Variants in ERI3 observed in about 807,000 individuals in gnomAD.
The protein encoded by ERI3 is ERI1 exoribonuclease family member 3.
ERI3 carries 18 observed loss-of-function variants against 44.4 expected under a neutral mutation model. The ratio of observed to expected loss-of-function variants is 0.41; its 90% confidence interval spans 0.28 to 0.60. The LOEUF (loss-of-function observed/expected upper bound fraction) is 0.60. Ranked by LOEUF, ERI3 falls within the 20% of genes least tolerant of loss-of-function variation. The pLI, the probability that ERI3 is intolerant of heterozygous loss-of-function variation, is 0.36. For synonymous variants in ERI3, 183 were observed against 164.8 expected (o/e 1.11, Z -0.84); for missense variants, 294 against 435.5 (o/e 0.68, Z 2.89).
chr1:44,304,027 C>T (rs567670371), intron 6 of ERI3, among the ~76,000 whole-genome samples: 1 of 152,200 alleles, frequency 6.6e-6, no homozygotes, highest in East Asian at 1.9e-4. Flanking sequence ...GGATAATTTT[C>T]AGATTTCCGA....
In ERI3 at chr1:44,258,149, G is replaced by A. The variant is rs192385379; in HGVS notation, c.832-10111C>T. On this transcript the variant is annotated intron_variant, in intron 7 of 8. Coordinates refer to ENST00000372257, the MANE Select transcript of ERI3 (RefSeq NM_024066.3). Reference sequence around the variant, plus strand: ...GAACCTGGCATGTAACTAGTCCTCAGTAAGGGGCAGGCATTTTGCTAAGTT... The same window carrying A: ...GAACCTGGCATGTAACTAGTCCTCAATAAGGGGCAGGCATTTTGCTAAGTT... Among the ~76,000 whole-genome samples, 45 of 152,342 alleles carry A rather than the reference G, an allele frequency of 3.0e-4. No homozygotes were observed. In the East Asian group the frequency reaches 7.5e-3, roughly 25 times the overall value.
chr1:44,285,529 AT>A (rs1359695920), intron 6 of ERI3, among the ~76,000 whole-genome samples: 2 of 152,190 alleles, frequency 1.3e-5, no homozygotes, highest in Non-Finnish European at 2.9e-5. Flanking sequence ...AGGTAGAAGG[AT>A]AAGAAGAGGT....
intron 8 of ERI3, among the ~76,000 whole-genome samples, chr1:44,222,043 G>A (rs990476497): frequency 1.3e-5 from 2 of 152,172 alleles, no homozygotes; most frequent in African/African-American, 4.8e-5. Context: ...CCGTCTTCCC[G>A]CCACCCGCCT....
intron 6 of ERI3, among the ~76,000 whole-genome samples, chr1:44,297,024 T>C (rs1264211151): frequency 2.0e-5 from 3 of 152,112 alleles, no homozygotes; most frequent in African/African-American, 4.8e-5. Flanking sequence ...ATTATTTCCA[T>C]GGTGTCACAT....
chr1:44,354,768 G>A, intron 1 of ERI3, 124 bp downstream of exon 1: 6 of 1,260,284 alleles, frequency 4.8e-6, no homozygotes, highest in Non-Finnish European at 6.0e-6. Context: ...AGTAGATTAA[G>A]TAAGCATCCA....
At chr1:44,256,572 C>T (rs1265543956) in intron 7 of ERI3, among the ~76,000 whole-genome samples, 2 of 152,190 alleles carry the variant, frequency 1.3e-5, no homozygotes, top group East Asian at 1.9e-4. Context: ...TCTTCATCAA[C>T]GGAACCTGAG....
At position 44,263,527 on chromosome 1, in the gene ERI3, G is replaced by A. The variant is rs1263711371; in HGVS notation, c.832-15489C>T. On this transcript the variant is annotated intron_variant, in intron 7 of 8. Coordinates refer to ENST00000372257, the MANE Select transcript of ERI3 (RefSeq NM_024066.3). ...GATAGCCTCAGCCGGAGTCAACTTT[G>A]TAGTACCTTAGATACAGACAGGCAG... Among the ~76,000 whole-genome samples the A allele has an allele frequency of 2.6e-5, 4 of 152,332 alleles. No individual in the cohort carries two copies. The South Asian group carries it at 6.2e-4, about 24-fold the overall frequency.
At chr1:44,232,607 A>G (rs1644211705) in intron 8 of ERI3, among the ~76,000 whole-genome samples, 1 of 152,196 alleles carries the variant, frequency 6.6e-6, no homozygotes, top group African/African-American at 2.4e-5. Context: ...CATAGTCCAA[A>G]ATAGCTGCTG....
At chr1:44,246,909 C>T (rs996441588) in intron 8 of ERI3, among the ~76,000 whole-genome samples, 1 of 152,116 alleles carries the variant, frequency 6.6e-6, no homozygotes, top group African/African-American at 2.4e-5. Context: ...CACAATGATG[C>T]GACCCCAAAG....
At chr1:44,273,130 C>T (rs1205089007) in intron 7 of ERI3, among the ~76,000 whole-genome samples, 1 of 152,132 alleles carries the variant, frequency 6.6e-6, no homozygotes, top group Admixed American at 6.6e-5. Flanking sequence ...AACTCACAAT[C>T]GAGAAATGTA....
chr1:44,319,232 G>A (rs1646150805), intron 4 of ERI3, among the ~76,000 whole-genome samples: 2 of 152,254 alleles, frequency 1.3e-5, no homozygotes, highest in Non-Finnish European at 2.9e-5. Context: ...GGAGGACAGA[G>A]TAACAATGCC....
chr1:44,276,949 T>G (rs925258811), intron 7 of ERI3, among the ~76,000 whole-genome samples: 10 of 152,172 alleles, frequency 6.6e-5, no homozygotes, highest in Admixed American at 2.6e-4. Context: ...CACAATGAAT[T>G]AATACCATCA....
Position 44,355,137 on chromosome 1 carries a change from C to T in ERI3, c.-111G>A. ...GGGCAGTTGGCGGCGGCGGGCGCGG[C>T]CCGCGCCGACTGCGGCGCCGGCCAG... is the stretch of plus-strand genomic sequence containing the variant. On this transcript the variant is annotated 5_prime_UTR_variant, in exon 1 of 9. Transcript: ENST00000372257. 1 of 1,226,886 alleles carries T rather than the reference C, an allele frequency of 8.2e-7. No individual in the cohort carries two copies. Among genetic ancestry groups the T allele is most frequent in the Non-Finnish European group, 1.0e-6 (1 of 980,122 alleles). The allele number at this position is 1,226,886 out of a possible 1,614,324, so 76.0% of individuals were successfully genotyped here.
At chr1:44,309,325 T>C (rs1645905262) in intron 5 of ERI3, among the ~76,000 whole-genome samples, 1 of 151,186 alleles carries the variant, frequency 6.6e-6, no homozygotes, top group Admixed American at 6.6e-5. Flanking sequence ...AAAAACCCTA[T>C]CCATACTAAA....
At chr1:44,260,979 C>T (rs185509356) in intron 7 of ERI3, among the ~76,000 whole-genome samples, 18 of 151,046 alleles carry the variant, frequency 1.2e-4, no homozygotes, top group Admixed American at 2.6e-4. Flanking sequence ...GGTATTCTTA[C>T]CTGATTGGTC....
intron 6 of ERI3, among the ~76,000 whole-genome samples, chr1:44,301,816 C>G (rs1439626944): frequency 6.6e-6 from 1 of 152,236 alleles, no homozygotes; most frequent in Non-Finnish European, 1.5e-5. Context: ...GTACTTCTCA[C>G]AGACTTGGAA....
Position 44,310,963 on chromosome 1 carries a change from GCACACACACACACACACACACACACACA to G in ERI3, c.666+2178_666+2205del, listed in dbSNP as rs58344074. ...ATGTATGTGCACATCGCGCGCGCGC[GCACACACACACACACACACACACACACA>G]CACACACACACACACACACACACAC... On this transcript the variant is annotated intron_variant, in intron 5 of 8. Transcript: ENST00000372257. Among the ~76,000 whole-genome samples the G allele has an allele frequency of 1.1e-3, 136 of 123,260 alleles. 3 individuals carry two copies. Among genetic ancestry groups the G allele is most frequent in the Middle Eastern group, 8.1e-3 (2 of 248 alleles). 80.9% of individuals were successfully genotyped at this position (123,260 alleles called of 152,430 possible). A position where few individuals can be genotyped will look rare whatever the true frequency, so the allele number is the denominator to read the frequency against.
chr1:44,294,629 G>A (rs912534980), intron 6 of ERI3, among the ~76,000 whole-genome samples: 8 of 152,226 alleles, frequency 5.3e-5, no homozygotes, highest in South Asian at 2.1e-4. Context: ...TGCCACCAGG[G>A]CCTGGCCAGA....
chr1:44,233,768 A>C (rs1443257821), intron 8 of ERI3, among the ~76,000 whole-genome samples: 1 of 152,130 alleles, frequency 6.6e-6, no homozygotes, highest in Non-Finnish European at 1.5e-5. Context: ...GGAGTAAACA[A>C]GTCTCCCTTT....
Sources: gnomAD v4.1 joint callset for allele counts (sites outside exome capture counted in the v4.1 genomes callset) on GRCh38, gnomAD v4.1.1 for gene constraint, MANE v1.5 for transcripts, NCBI Gene and HGNC (gene_info 2026-07-23, HGNC 2026-07-21) for gene names.